The following PRKG1 variants were observed in gnomAD, a reference collection of about 807,000 sequenced individuals.
The protein encoded by PRKG1 is cGMP-dependent protein kinase 1.
Under a neutral mutation model 88.1 loss-of-function variants are expected in PRKG1, and 35 were observed. The ratio of observed to expected loss-of-function variants is 0.40; its 90% CI spans 0.30 to 0.53. The LOEUF (loss-of-function observed/expected upper bound fraction) is 0.53, where lower values mean the gene tolerates loss of function less well. PRKG1 is among the 20% of genes least tolerant of loss of function. The pLI is 0.59. For missense variants in PRKG1, 540 were observed against 839.8 expected, an observed-to-expected ratio of 0.64 and a Z score of 4.41; for synonymous variants, 303 against 292.5, an observed-to-expected ratio of 1.04 and a Z score of -0.37.
rs1837234003 is a variant in PRKG1 at position 51,385,779 on chromosome 10, AT to A, written c.479-81941del. Among the ~76,000 whole-genome samples, 6 of 152,284 alleles carry A rather than the reference AT, an allele frequency of 3.9e-5. No homozygotes were observed. The South Asian group carries it at 1.2e-3, about 32-fold the overall frequency. ...TGGTTTAAAATCAGAAAGTCTCTTT[AT>A]TTCTTCTACTATATTTCTTTGAACT... On this transcript the variant is annotated intron_variant, in intron 2 of 17. Transcript: ENST00000373980.
At chr10:51,191,273 A>G (rs1837623735) in intron 2 of PRKG1, among the ~76,000 whole-genome samples, 1 of 151,864 alleles carries the variant, frequency 6.6e-6, no homozygotes, top group Non-Finnish European at 1.5e-5. Context: ...ATAGTTTACC[A>G]TAGTGGAGCT....
At chr10:51,335,745 C>T (rs958555176) in intron 2 of PRKG1, among the ~76,000 whole-genome samples, 1 of 152,112 alleles carries the variant, frequency 6.6e-6, no homozygotes, top group Non-Finnish European at 1.5e-5. Context: ...ACAGAGCTGT[C>T]ACCTTACTTT....
chr10:51,701,627 T>G (rs1477950168), intron 3 of PRKG1, among the ~76,000 whole-genome samples: 1 of 151,674 alleles, frequency 6.6e-6, no homozygotes, highest in Non-Finnish European at 1.5e-5. Flanking sequence ...AATCTATTTT[T>G]CTTCCTTCTA....
Position 51,126,834 on chromosome 10 carries a change from A to G in PRKG1, c.312-26330A>G, listed in dbSNP as rs187942858. Among the ~76,000 whole-genome samples the G allele has an allele frequency of 6.6e-5, 10 of 152,290 alleles. No individual in the cohort carries two copies. The East Asian group carries it at 1.7e-3, about 26-fold the overall frequency. ...CACGTCTACAACCATCTGATCTTCA[A>G]CAAACCTGACAAAACCAAGCAATGG... On this transcript the variant is annotated intron_variant, in intron 1 of 17. Transcript: ENST00000373980.
chr10:52,224,828 T>TATATATACATAC (rs1392955825), intron 9 of PRKG1, among the ~76,000 whole-genome samples: 3 of 140,722 alleles, frequency 2.1e-5, no homozygotes, highest in Non-Finnish European at 4.6e-5. Flanking sequence ...TATATATATA[T>TATATATACATAC]ATATATATAT....
chr10:51,987,328 T>A (rs1454812604), intron 5 of PRKG1, among the ~76,000 whole-genome samples: 1 of 151,986 alleles, frequency 6.6e-6, no homozygotes, highest in Non-Finnish European at 1.5e-5. Flanking sequence ...GTTATGTGGT[T>A]CAAGACAGAG....
chr10:51,260,056 G>C (rs1384549447), intron 2 of PRKG1, among the ~76,000 whole-genome samples: 1 of 152,004 alleles, frequency 6.6e-6, no homozygotes, highest in Non-Finnish European at 1.5e-5. Flanking sequence ...ACTCACATGT[G>C]TGCAACCACC....
At chr10:51,624,294 G>C (rs1013286449) in intron 3 of PRKG1, among the ~76,000 whole-genome samples, 1 of 152,136 alleles carries the variant, frequency 6.6e-6, no homozygotes, top group African/African-American at 2.4e-5. Flanking sequence ...TGTTCTTTTA[G>C]GATTTATGGT....
intron 14 of PRKG1, among the ~76,000 whole-genome samples, chr10:52,285,416 A>G (rs765168903): frequency 5.3e-5 from 8 of 152,082 alleles, no homozygotes; most frequent in Non-Finnish European, 1.2e-4. Flanking sequence ...CCACTGGTAG[A>G]CTTCCTATAA....
At chr10:51,664,122 A>T (rs1476428401) in intron 3 of PRKG1, among the ~76,000 whole-genome samples, 1 of 152,096 alleles carries the variant, frequency 6.6e-6, no homozygotes, top group African/African-American at 2.4e-5. Context: ...TACAATTTAT[A>T]TTTTCTTGAG....
At chr10:51,019,485 A>C (rs943481682) in intron 1 of PRKG1, among the ~76,000 whole-genome samples, 9 of 152,172 alleles carry the variant, frequency 5.9e-5, no homozygotes, top group Admixed American at 5.2e-4. Flanking sequence ...CACCATATAC[A>C]AAAATTAACT....
chr10:51,146,336 G>A (rs1845948633), intron 1 of PRKG1, among the ~76,000 whole-genome samples: 1 of 152,004 alleles, frequency 6.6e-6, no homozygotes, highest in Admixed American at 6.6e-5. Flanking sequence ...AATGATTAAT[G>A]ATGTTGAGCA....
rs749159461 is a variant in PRKG1 at position 51,467,715 on chromosome 10, C to T, written c.479-8C>T. On this transcript the variant is annotated splice_polypyrimidine_tract_variant and splice_region_variant and intron_variant, in intron 2 of 17. Transcript: ENST00000373980. ...TTATATAACATGTTTTTCCCTCCTC[C>T]TTTTTAGATGGTAAGGTTGAAGTTA... is the stretch of plus-strand genomic sequence containing the variant. 5.6e-6 allele frequency: 9 copies of T among 1,600,608 alleles called. No homozygotes were observed. Among genetic ancestry groups the T allele is most frequent in the Non-Finnish European group, 7.7e-6 (9 of 1,169,024 alleles).
intron 17 of PRKG1, 65 bp downstream of exon 17, chr10:52,290,355 G>A: frequency 7.5e-7 from 1 of 1,335,474 alleles, no homozygotes; most frequent in Non-Finnish European, 1.0e-6. Context: ...AGTCAACAAT[G>A]ATCTGTTATT....
intron 2 of PRKG1, among the ~76,000 whole-genome samples, chr10:51,445,633 A>T (rs1395658967): frequency 6.6e-6 from 1 of 151,938 alleles, no homozygotes; most frequent in African/African-American, 2.4e-5. Flanking sequence ...AATTTGAATG[A>T]ACAGATGGCC....
intron 1 of PRKG1, among the ~76,000 whole-genome samples, chr10:51,135,363 A>C (rs938007492): frequency 9.2e-5 from 14 of 152,200 alleles, no homozygotes; most frequent in Non-Finnish European, 1.3e-4. Context: ...GTAGAGTTAT[A>C]GTGCAAATCC....
chr10:52,077,290 TC>T (rs926660905), intron 7 of PRKG1, among the ~76,000 whole-genome samples: 1 of 152,068 alleles, frequency 6.6e-6, no homozygotes, highest in African/African-American at 2.4e-5. Flanking sequence ...GATGAAAACT[TC>T]AAAAATATTT....
chr10:51,941,120 G>A (rs765697731), intron 5 of PRKG1, among the ~76,000 whole-genome samples: 5 of 149,294 alleles, frequency 3.3e-5, no homozygotes, highest in Admixed American at 1.3e-4. Context: ...CAAAAACAGA[G>A]CATCTTAGAA....
chr10:52,131,531 G>A (rs1265865870), intron 7 of PRKG1, among the ~76,000 whole-genome samples: 2 of 151,922 alleles, frequency 1.3e-5, no homozygotes, highest in African/African-American at 4.8e-5. Flanking sequence ...ACTCGTGGCA[G>A]GAGGGCGATG....
Sources: allele counts gnomAD v4.1 joint callset (sites outside exome capture counted in the v4.1 genomes callset), GRCh38; gene constraint gnomAD v4.1.1; transcripts MANE v1.5; gene names NCBI Gene and HGNC (gene_info 2026-07-23, HGNC 2026-07-21).